ITGA11: variants seen among roughly 807,000 people sequenced by gnomAD.
ITGA11 encodes integrin subunit alpha 11.
ITGA11 carries 97 observed loss-of-function variants against 141.9 expected under a neutral mutation model. That is an observed-to-expected ratio of 0.68 (90% CI 0.58 to 0.81). The LOEUF is 0.81. Ranked by LOEUF, ITGA11 falls within the 30% of genes least tolerant of loss-of-function variation. The pLI is 0.00. For synonymous variants in ITGA11, 658 were observed against 624.6 expected (o/e 1.05, Z -0.80); for missense variants, 1,387 against 1,559.2 (o/e 0.89, Z 1.86).
chr15:68,308,898 C>A lies in ITGA11; in HGVS notation c.3175-1202G>T, dbSNP rs1477866507. The stretch of plus-strand genomic sequence containing the variant: ...ACTGAAGAAGCCTGACAATTAACAG[C>A]AGAACCATTAGCCAACACTATAGAC... On this transcript the variant is annotated intron_variant, in intron 26 of 29. Coordinates refer to ENST00000315757, the MANE Select transcript of ITGA11 (RefSeq NM_001004439.2). This position sits in a 1 kb window ranked among gnomAD's most constrained non-coding sequence, Gnocchi z 5.2. Among the ~76,000 whole-genome samples, 1 of 152,182 alleles carries A rather than the reference C, an allele frequency of 6.6e-6. No individual in the cohort carries two copies. The highest frequency in any genetic ancestry group is 6.5e-5 in the Admixed American group (1 of 15,286).
chr15:68,404,884 T>G (rs917548939), intron 1 of ITGA11, among the ~76,000 whole-genome samples: 1 of 152,174 alleles, frequency 6.6e-6, no homozygotes, highest in Non-Finnish European at 1.5e-5. Context: ...GGATACTTAT[T>G]TAGTTTCAAA....
At chr15:68,397,254 TAAA>T (rs1896303549) in intron 2 of ITGA11, among the ~76,000 whole-genome samples, 20 of 26 alleles carry the variant, frequency 0.77, 9 homozygotes, top group Admixed American at 1. Flanking sequence ...TTATATTTTA[TAAA>T]ATATTATAAA....
intron 2 of ITGA11, among the ~76,000 whole-genome samples, chr15:68,402,618 G>C (rs1896537382): frequency 6.6e-6 from 1 of 152,118 alleles, no homozygotes; most frequent in African/African-American, 2.4e-5. Context: ...ATGACCAGGG[G>C]CTAACAATTG....
At chr15:68,411,755 C>T (rs1002854537) in intron 1 of ITGA11, among the ~76,000 whole-genome samples, 2 of 152,186 alleles carry the variant, frequency 1.3e-5, no homozygotes, top group East Asian at 1.9e-4. Context: ...ATATTTCCCC[C>T]AACCTTGACT....
At chr15:68,383,229 C>A (rs1895904620) in intron 2 of ITGA11, among the ~76,000 whole-genome samples, 1 of 151,706 alleles carries the variant, frequency 6.6e-6, no homozygotes, top group South Asian at 2.1e-4. Context: ...CGAGATCATG[C>A]CACCGCACTC....
chr15:68,372,506 G>C (rs549968123), intron 2 of ITGA11, among the ~76,000 whole-genome samples: 2 of 152,300 alleles, frequency 1.3e-5, no homozygotes, highest in East Asian at 3.9e-4. Flanking sequence ...CACTGGCTGC[G>C]GGCTCCCAGC....
intron 1 of ITGA11, among the ~76,000 whole-genome samples, chr15:68,418,193 C>T (rs948765954): frequency 6.6e-6 from 1 of 152,212 alleles, no homozygotes; most frequent in South Asian, 2.1e-4. Context: ...TCTGTCTCCC[C>T]ACTTTATCCT....
chr15:68,372,168 T>C (rs947659184), intron 2 of ITGA11, among the ~76,000 whole-genome samples: 1 of 152,142 alleles, frequency 6.6e-6, no homozygotes, highest in African/African-American at 2.4e-5. Flanking sequence ...GGTCAGCCCT[T>C]CTCTCCATTC....
At position 68,371,543 on chromosome 15, in the gene ITGA11, G is replaced by T. The variant is rs139703626; in HGVS notation, c.165-2259C>A. On this transcript the variant is annotated intron_variant, in intron 2 of 29. Coordinates refer to ENST00000315757, the MANE Select transcript of ITGA11 (RefSeq NM_001004439.2). ...GCCTGGCCAACATGGTGAAACCCCCGTCTGTACTAAAAAATACAAAAAAAA... is the reference window on the plus strand; with the variant it reads ...GCCTGGCCAACATGGTGAAACCCCCTTCTGTACTAAAAAATACAAAAAAAA... 3.8e-3 allele frequency among the ~76,000 whole-genome samples: 576 copies of T among 152,130 alleles called. 4 individuals are homozygous for T. The highest frequency in any genetic ancestry group is 0.013 in the African/African-American group (557 of 41,488).
chr15:68,339,593 G>T lies in ITGA11; in HGVS notation c.1183C>A (p.Leu395Ile). The change falls in exon 11 of 30, where the codon CTA (leucine) becomes ATA (isoleucine). Residue 395 changes from leucine (L) to isoleucine (I), a missense_variant. Transcript: ENST00000315757. ...ACCTTCCCGGCACTCGTCTCCTTTA[G>T]CACAGCTCCATTCCAGTCATAGGCA... ...VGAYDWNGAVLKETSAGKVIP... is the reference protein window; with the variant it reads ...VGAYDWNGAVIKETSAGKVIP... The T allele has an allele frequency of 6.2e-7, 1 of 1,613,980 alleles. No individual in the cohort carries two copies. Among genetic ancestry groups the T allele is most frequent in the East Asian group, 2.2e-5 (1 of 44,864 alleles).
At chr15:68,341,963 A>T (rs1341996271) in intron 10 of ITGA11, among the ~76,000 whole-genome samples, 6 of 152,216 alleles carry the variant, frequency 3.9e-5, no homozygotes, top group Non-Finnish European at 8.8e-5. Context: ...CAGCAGCTGC[A>T]GTCTTGGGCC....
At position 68,416,272 on chromosome 15, in the gene ITGA11, G is replaced by A. The variant is rs149963623; in HGVS notation, c.53-13243C>T. On this transcript the variant is annotated intron_variant, in intron 1 of 29. Coordinates refer to ENST00000315757, the MANE Select transcript of ITGA11 (RefSeq NM_001004439.2). ...AATCAGAAAAAAACAATCAATCTGGGGCTGGGCAGCCTGTGGAGGAGTGAG... is the reference window on the plus strand; with the variant it reads ...AATCAGAAAAAAACAATCAATCTGGAGCTGGGCAGCCTGTGGAGGAGTGAG... Among the ~76,000 whole-genome samples, 44 of 152,270 alleles carry A rather than the reference G, an allele frequency of 2.9e-4. No individual in the cohort carries two copies. The East Asian group carries it at 8.3e-3, about 29-fold the overall frequency.
chr15:68,316,070 G>A (rs1357793403), intron 21 of ITGA11, among the ~76,000 whole-genome samples: 1 of 152,218 alleles, frequency 6.6e-6, no homozygotes, highest in African/African-American at 2.4e-5. Flanking sequence ...GGTTTTTAGG[G>A]TAGGGGTCCT....
At position 68,326,764 on chromosome 15, in the gene ITGA11, G is replaced by A. The variant is rs1372985139; in HGVS notation, c.2101C>T (p.Arg701Trp). The change falls in exon 17 of 30, where the codon CGG becomes TGG. Residue 701 changes from arginine (R) to tryptophan (W), a missense_variant. Arg to Trp is a moderately radical substitution (Grantham distance 101). Coordinates refer to ENST00000315757, the MANE Select transcript of ITGA11 (RefSeq NM_001004439.2). This position sits in a 1 kb window ranked among gnomAD's most constrained non-coding sequence, Gnocchi z 6.8. ...TCCAGGTGGGCCCTCGGTGTATACC[G>A]CCTCTCATCCATGGTGGCGTTGTAT... is the stretch of plus-strand genomic sequence containing the variant. The part of the protein sequence containing the change: ...IRYNATMDER[R>W]YTPRAHLDEG... The A allele has an allele frequency of 1.1e-5, 18 of 1,581,228 alleles. No homozygotes were observed. Among genetic ancestry groups the A allele is most frequent in the South Asian group, 2.3e-5 (2 of 86,102 alleles).
At chr15:68,358,344 C>G (rs898335960) in intron 6 of ITGA11, 114 bp downstream of exon 6, 50 of 1,232,714 alleles carry the variant, frequency 4.1e-5, no homozygotes, top group Non-Finnish European at 5.5e-5. Context: ...TACCTCTGCC[C>G]TCTTACCTAC....
In ITGA11 at chr15:68,315,704, C is replaced by G; in HGVS notation, c.2739G>C (p.Glu913Asp). The G allele has an allele frequency of 6.2e-7, 1 of 1,613,054 alleles. No individual in the cohort carries two copies. Among genetic ancestry groups the G allele is most frequent in the Non-Finnish European group, 8.5e-7 (1 of 1,179,456 alleles). Residue 913 changes from glutamate to aspartate, a missense_variant, in exon 22 of 30, where the codon GAG (glutamate) becomes GAC (aspartate). Glu to Asp is a conservative substitution (Grantham distance 45). Transcript: ENST00000315757. ...KAKVAFRLDF[E>D]FSKSIFLHHL... is the part of the protein sequence containing the mutation. ...GGTGTAGGAAGATGGATTTGCTGAA[C>G]TCAAAATCAAGACGGAAAGCCACCT...
At chr15:68,364,647 A>ACCCCACCC in intron 4 of ITGA11, 60 bp downstream of exon 4, 1 of 904,830 alleles carries the variant, frequency 1.1e-6, no homozygotes, top group Non-Finnish European at 1.8e-6. Flanking sequence ...GAGACGCTCC[A>ACCCCACCC]CCCCTCCCCA....
chr15:68,366,695 T>C (rs548171552), intron 3 of ITGA11, among the ~76,000 whole-genome samples: 1 of 152,234 alleles, frequency 6.6e-6, no homozygotes, highest in East Asian at 1.9e-4. Context: ...GCCCAACCCC[T>C]CTGTGAGCGG....
At chr15:68,427,447 G>A (rs953777731) in intron 1 of ITGA11, among the ~76,000 whole-genome samples, 3 of 152,166 alleles carry the variant, frequency 2.0e-5, no homozygotes, top group Non-Finnish European at 4.4e-5. Context: ...TTGCATCCGG[G>A]CAGTCTAGGT....
Sources: allele counts gnomAD v4.1 joint callset (sites outside exome capture counted in the v4.1 genomes callset), GRCh38; gene constraint gnomAD v4.1.1; non-coding constraint Gnocchi (gnomAD v3.1); transcripts MANE v1.5; gene names NCBI Gene and HGNC (gene_info 2026-07-23, HGNC 2026-07-21).